The following CACNA1B variants were observed in gnomAD, a reference collection of about 807,000 sequenced individuals.
CACNA1B encodes calcium voltage-gated channel subunit alpha1 B.
CACNA1B carries 70 observed loss-of-function variants against 247.2 expected under a neutral mutation model. That is an observed-to-expected ratio of 0.28 (90% CI 0.23 to 0.35). The LOEUF is 0.35. CACNA1B is among the 10% of genes least tolerant of loss of function. CACNA1B has a pLI of 1.00. For synonymous variants in CACNA1B, 1,231 were observed against 1,294.4 expected (o/e 0.95, Z 1.05); for missense variants, 2,367 against 3,197.4 (o/e 0.74, Z 6.26).
intron 10 of CACNA1B, among the ~76,000 whole-genome samples, chr9:137,959,740 G>A (rs1957989019): frequency 6.6e-6 from 1 of 152,174 alleles, no homozygotes; most frequent in African/African-American, 2.4e-5. Context: ...GCCTCATTCA[G>A]CAGATGTCTA....
intron 37 of CACNA1B, among the ~76,000 whole-genome samples, chr9:138,097,008 C>T (rs751076258): frequency 4.2e-4 from 64 of 151,462 alleles, no homozygotes; most frequent in Non-Finnish European, 5.6e-4. Context: ...TGTGTGGAGA[C>T]AGCACAGCCA....
At chr9:138,013,035 G>A in intron 17 of CACNA1B, 94 bp from the exon 18 acceptor site, 1 of 886,972 alleles carries the variant, frequency 1.1e-6, no homozygotes, top group Non-Finnish European at 1.8e-6. Flanking sequence ...TATTTTTTGA[G>A]GCCCCTGGAG....
At chr9:137,996,439 C>T (rs1958501799) in intron 15 of CACNA1B, among the ~76,000 whole-genome samples, 1 of 152,086 alleles carries the variant, frequency 6.6e-6, no homozygotes, top group Admixed American at 6.5e-5. Flanking sequence ...TGTGTTCTCA[C>T]TCATAAGTGG....
Position 137,882,776 on chromosome 9 carries a change from T to C in CACNA1B, c.423T>C (p.Phe141=). The part of the protein sequence containing the change: ...DDTEPYFIGI[F]CFEAGIKIIA... ...CGGAGCCCTATTTCATCGGGATCTT[T>C]TGCTTCGAGGCAGGGATCAAAATCA... Residue 141 remains phenylalanine, a synonymous_variant, in exon 3 of 47, where the codon TTT becomes TTC. Transcript: ENST00000371372. The surrounding 1 kb of genome is among the most constrained non-coding windows in gnomAD (Gnocchi z 4.0). 6.2e-7 allele frequency: 1 copy of C among 1,613,980 alleles called. No homozygotes were observed. The highest frequency in any genetic ancestry group is 8.5e-7 in the Non-Finnish European group (1 of 1,179,838).
At position 138,036,071 on chromosome 9, in the gene CACNA1B, C is replaced by T. The variant is rs145505461; in HGVS notation, c.3287-7703C>T. Among the ~76,000 whole-genome samples, 288 of 152,070 alleles carry T rather than the reference C, an allele frequency of 1.9e-3. 1 individual carries two copies. Among genetic ancestry groups the T allele is most frequent in the African/African-American group, 6.7e-3 (279 of 41,516 alleles). On this transcript the variant is annotated intron_variant, in intron 20 of 46. Coordinates refer to ENST00000371372, the MANE Select transcript of CACNA1B (RefSeq NM_000718.4). The stretch of plus-strand genomic sequence containing the variant: ...TATTCCTTTTCATATTTCATCACTC[C>T]TTATATTTCGGATCATCCATTGGGT...
rs1227876719 is a variant in CACNA1B at position 138,051,050 on chromosome 9, G to A, written c.3711-1042G>A. 6.6e-6 allele frequency among the ~76,000 whole-genome samples: 1 copy of A among 152,144 alleles called. No individual in the cohort carries two copies. The highest frequency in any genetic ancestry group is 1.5e-5 in the Non-Finnish European group (1 of 68,030). On this transcript the variant is annotated intron_variant, in intron 24 of 46. Transcript: ENST00000371372. The surrounding 1 kb of genome is among the most constrained non-coding windows in gnomAD (Gnocchi z 4.3). Reference sequence around the variant, plus strand: ...CGTGGTGGGACGTGGCCTCTGAGCAGGGTGGGAAGGGTTCCATGTGTGAGT... The same window carrying A: ...CGTGGTGGGACGTGGCCTCTGAGCAAGGTGGGAAGGGTTCCATGTGTGAGT...
intron 15 of CACNA1B, among the ~76,000 whole-genome samples, chr9:137,988,394 A>C (rs1958392676): frequency 6.6e-6 from 1 of 152,120 alleles, no homozygotes; most frequent in Admixed American, 6.5e-5. Flanking sequence ...GAGGGGCTCC[A>C]TGCCAGGGGG....
intron 6 of CACNA1B, among the ~76,000 whole-genome samples, chr9:137,929,426 G>A (rs1232914881): frequency 6.6e-6 from 1 of 151,674 alleles, no homozygotes; most frequent in African/African-American, 2.4e-5. Context: ...ATGGTGGTGT[G>A]TGCCTGTAGT....
chr9:137,910,249 T>A (rs1957345434), intron 3 of CACNA1B, among the ~76,000 whole-genome samples: 1 of 152,208 alleles, frequency 6.6e-6, no homozygotes, highest in Admixed American at 6.5e-5. Context: ...GTTTTTATTG[T>A]TGTTGAGTTG....
chr9:137,939,139 A>C (rs116943044), intron 6 of CACNA1B, among the ~76,000 whole-genome samples: 4,102 of 152,320 alleles, frequency 0.027, 77 homozygotes, highest in South Asian at 0.071. Context: ...TCAGTACTCC[A>C]CTGACAGCAC....
rs765009187 is a variant in CACNA1B at position 137,956,914 on chromosome 9, G to A, written c.1243+87G>A. 1.7e-5 allele frequency: 19 copies of A among 1,116,330 alleles called. No homozygotes were observed. The Admixed American group carries it at 1.7e-4, about 10-fold the overall frequency. The allele number at this position is 1,116,330 out of a possible 1,614,324, so 69.2% of individuals were successfully genotyped here. A position where few individuals can be genotyped will look rare whatever the true frequency, so the allele number is the denominator to read the frequency against. On this transcript the variant is annotated intron_variant, in intron 9 of 46. Coordinates refer to ENST00000371372, the MANE Select transcript of CACNA1B (RefSeq NM_000718.4). The stretch of plus-strand genomic sequence containing the variant: ...ACACGTGCCTGCTTGCATGTTTCAC[G>A]CGAAGTGCTCTTGGCAGTGCCAGGC...
At position 137,891,096 on chromosome 9, in the gene CACNA1B, T is replaced by C; in HGVS notation, c.530+8213T>C. 2 of 152,410 alleles carry C rather than the reference T, an allele frequency of 1.3e-5. 1 individual carries two copies. Among genetic ancestry groups the C allele is most frequent in the African/African-American group, 4.8e-5 (2 of 41,548 alleles). The allele number at this position is 152,410 out of a possible 1,614,324, so 9.4% of individuals were successfully genotyped here. On this transcript the variant is annotated intron_variant, in intron 3 of 46. Transcript: ENST00000371372. This position sits in a 1 kb window ranked among gnomAD's most constrained non-coding sequence, Gnocchi z 4.3. ...GCTGGCCTGTGCGTGGCCAGGCAGGTTGGGCTCTCAGGGCGCATGGCTACT... is the reference window on the plus strand; with the variant it reads ...GCTGGCCTGTGCGTGGCCAGGCAGGCTGGGCTCTCAGGGCGCATGGCTACT...
chr9:137,918,210 T>TGG (rs34185755), intron 6 of CACNA1B, among the ~76,000 whole-genome samples: 10 of 151,060 alleles, frequency 6.6e-5, no homozygotes, highest in South Asian at 2.1e-4. Context: ...GTATAAGGCT[T>TGG]GGGGGGGGTG....
intron 44 of CACNA1B, among the ~76,000 whole-genome samples, chr9:138,119,341 A>G (rs1016273969): frequency 1.3e-5 from 2 of 152,054 alleles, no homozygotes; most frequent in African/African-American, 4.8e-5. Flanking sequence ...CCACAAGGAC[A>G]CTGGGAGGAT....
Position 137,913,314 on chromosome 9 carries a change from A to G in CACNA1B, c.622+43A>G, listed in dbSNP as rs1957377941. 7.0e-7 allele frequency: 1 copy of G among 1,430,544 alleles called. No individual in the cohort carries two copies. The highest frequency in any genetic ancestry group is 9.8e-7 in the Non-Finnish European group (1 of 1,015,840). The allele number at this position is 1,430,544 out of a possible 1,614,324, so 88.6% of individuals were successfully genotyped here. On this transcript the variant is annotated intron_variant, in intron 4 of 46. Coordinates refer to ENST00000371372, the MANE Select transcript of CACNA1B (RefSeq NM_000718.4). This position sits in a 1 kb window ranked among gnomAD's most constrained non-coding sequence, Gnocchi z 5.2. The stretch of plus-strand genomic sequence containing the variant: ...AGGCCCAAGCCGGCTTGGAGTAACA[A>G]CCTCCTCTCCTACCCTCACCACGGA...
In CACNA1B at chr9:137,917,553, C is replaced by T. The variant is rs1589004553; in HGVS notation, c.966+122C>T. ...AGCCTCTGCCCAGCCCTAGGCTCCTCCCTGCACCCCTAGGATGAAATGCAG... is the reference window on the plus strand; with the variant it reads ...AGCCTCTGCCCAGCCCTAGGCTCCTTCCTGCACCCCTAGGATGAAATGCAG... On this transcript the variant is annotated intron_variant, in intron 6 of 46. Coordinates refer to ENST00000371372, the MANE Select transcript of CACNA1B (RefSeq NM_000718.4). This position sits in a 1 kb window ranked among gnomAD's most constrained non-coding sequence, Gnocchi z 5.5. 5 of 796,220 alleles carry T rather than the reference C, an allele frequency of 6.3e-6. No individual in the cohort carries two copies. The South Asian group carries it at 7.0e-5, about 11-fold the overall frequency. The allele number at this position is 796,220 out of a possible 1,614,324, so 49.3% of individuals were successfully genotyped here. A position where few individuals can be genotyped will look rare whatever the true frequency, so the allele number is the denominator to read the frequency against.
chr9:137,955,481 G>A lies in CACNA1B; in HGVS notation c.1071-217G>A, dbSNP rs1179080819. 1.3e-5 allele frequency among the ~76,000 whole-genome samples: 2 copies of A among 152,210 alleles called. No individual in the cohort carries two copies. The highest frequency in any genetic ancestry group is 2.9e-5 in the Non-Finnish European group (2 of 68,044). ...GAGGGCCACCTGGGCTGCTCATGGA[G>A]GCCCTCTGGGTGCCCAGGGAGCTGT... On this transcript the variant is annotated intron_variant, in intron 7 of 46. Coordinates refer to ENST00000371372, the MANE Select transcript of CACNA1B (RefSeq NM_000718.4). The surrounding 1 kb of genome is among the most constrained non-coding windows in gnomAD (Gnocchi z 6.9).
rs767133060 is a variant in CACNA1B, at chr9:137,957,798, G to A, written c.1333+111G>A. The A allele has an allele frequency of 6.4e-5, 43 of 668,148 alleles. No individual in the cohort carries two copies. The highest frequency in any genetic ancestry group is 3.3e-4 in the Middle Eastern group (1 of 3,054). The allele number at this position is 668,148 out of a possible 1,614,324, so 41.4% of individuals were successfully genotyped here. On this transcript the variant is annotated intron_variant, in intron 10 of 46. Transcript: ENST00000371372. This position sits in a 1 kb window ranked among gnomAD's most constrained non-coding sequence, Gnocchi z 4.7. The stretch of plus-strand genomic sequence containing the variant: ...GTTGGACGCCCCTTCTTGCCCAAAC[G>A]CCTGCAGGCTCCTTTCAGACAGTTT...
chr9:138,046,900 A>G lies in CACNA1B; in HGVS notation c.3414-4A>G. On this transcript the variant is annotated splice_polypyrimidine_tract_variant and splice_region_variant and intron_variant, in intron 21 of 46. Coordinates refer to ENST00000371372, the MANE Select transcript of CACNA1B (RefSeq NM_000718.4). ...CTTGTGGTGATCCGTGCCTTCCCTC[A>G]CAGGCTCCGCCGCTTCTGCCACTAC... is the stretch of plus-strand genomic sequence containing the variant. 6.2e-7 allele frequency: 1 copy of G among 1,612,840 alleles called. No homozygotes were observed. Among genetic ancestry groups the G allele is most frequent in the Non-Finnish European group, 8.5e-7 (1 of 1,179,146 alleles).
Sources: allele counts gnomAD v4.1 joint callset (sites outside exome capture counted in the v4.1 genomes callset), GRCh38; gene constraint gnomAD v4.1.1; non-coding constraint Gnocchi (gnomAD v3.1); transcripts MANE v1.5; gene names NCBI Gene and HGNC (gene_info 2026-07-23, HGNC 2026-07-21).